SUDS3: variants seen among roughly 807,000 people sequenced by gnomAD.
The protein encoded by SUDS3 is SIN3A corepressor complex component SDS3, also known as sin3 histone deacetylase corepressor complex component SDS3.
A neutral mutation model predicts 53.5 loss-of-function variants in SUDS3; 23 were observed. The ratio of observed to expected loss-of-function variants is 0.43; its 90% CI spans 0.31 to 0.61. The LOEUF (loss-of-function observed/expected upper bound fraction) is 0.61. Among genes scored for constraint, SUDS3 ranks in the 20% least tolerant of loss-of-function variants. SUDS3 has a pLI of 0.10. For synonymous variants in SUDS3, 150 were observed against 148.5 expected (o/e 1.01, Z -0.08); for missense variants, 291 against 405.9 (o/e 0.72, Z 2.43).
chr12:118,403,541 TAGTAAG>T lies in SUDS3; in HGVS notation c.803+28_803+33del, dbSNP rs142801487. 3.5e-4 allele frequency: 557 copies of T among 1,584,194 alleles called. 1 individual carries two copies. In the African/African-American group the frequency reaches 6.8e-3, roughly 19 times the overall value. On this transcript the variant is annotated intron_variant, in intron 10 of 11. Coordinates refer to ENST00000543473, the MANE Select transcript of SUDS3 (RefSeq NM_022491.3). ...TGGTATGTTATGGGAAAACCTGGAC[TAGTAAG>T]AGTCTCATATGAACCACTTGGAAAG...
At chr12:118,380,319 T>TTTG in intron 2 of SUDS3, 88 bp downstream of exon 2, 4 of 1,192,954 alleles carry the variant, frequency 3.4e-6, no homozygotes, top group Non-Finnish European at 4.7e-6. Context: ...AAATCTCAGA[T>TTTG]GCTCCAAAAT....
intron 6 of SUDS3, among the ~76,000 whole-genome samples, chr12:118,393,043 G>A (rs532574713): frequency 4.6e-5 from 7 of 152,308 alleles, no homozygotes; most frequent in African/African-American, 1.7e-4. Context: ...GGGCATTAAA[G>A]GTATGGATGT....
intron 10 of SUDS3, among the ~76,000 whole-genome samples, chr12:118,410,576 TTTATTTTATTTATTTA>T (rs2046349491): frequency 7.6e-6 from 1 of 131,760 alleles, no homozygotes; most frequent in African/African-American, 3.3e-5. Context: ...TATTTATTTA[TTTATTTTATTTATTTA>T]TTTATTTATT....
intron 6 of SUDS3, among the ~76,000 whole-genome samples, chr12:118,392,742 A>T (rs1268526944): frequency 1.3e-5 from 2 of 152,134 alleles, no homozygotes; most frequent in African/African-American, 4.8e-5. Context: ...GAGCCACCAG[A>T]TGTTTGGGAG....
At chr12:118,405,262 A>G (rs1464608873) in intron 10 of SUDS3, among the ~76,000 whole-genome samples, 1 of 152,260 alleles carries the variant, frequency 6.6e-6, no homozygotes, top group Admixed American at 6.5e-5. Flanking sequence ...TTACAAATCT[A>G]TGAGTCTTAA....
intron 2 of SUDS3, among the ~76,000 whole-genome samples, chr12:118,381,112 C>T (rs1261613830): frequency 6.6e-6 from 1 of 152,192 alleles, no homozygotes; most frequent in Non-Finnish European, 1.5e-5. Flanking sequence ...CACTAATGTG[C>T]TAGACAAGGT....
chr12:118,377,860 C>T (rs1319282491), intron 1 of SUDS3, among the ~76,000 whole-genome samples: 4 of 152,138 alleles, frequency 2.6e-5, no homozygotes, highest in Admixed American at 2.6e-4. Context: ...TCCCGAGTGC[C>T]AAGTAATGTG....
intron 6 of SUDS3, among the ~76,000 whole-genome samples, chr12:118,394,061 G>A (rs1210134784): frequency 6.6e-6 from 1 of 152,170 alleles, no homozygotes; most frequent in Admixed American, 6.5e-5. Flanking sequence ...TGTCAAAATA[G>A]AAGTCTGTTT....
intron 10 of SUDS3, among the ~76,000 whole-genome samples, chr12:118,409,565 T>C (rs2046340665): frequency 6.6e-6 from 1 of 152,254 alleles, no homozygotes; most frequent in South Asian, 2.1e-4. Flanking sequence ...AAGCTCATTA[T>C]GGGAGTGAAG....
intron 10 of SUDS3, among the ~76,000 whole-genome samples, chr12:118,410,743 C>G (rs1027017925): frequency 6.6e-6 from 1 of 151,934 alleles, no homozygotes; most frequent in Non-Finnish European, 1.5e-5. Context: ...ACTATAGGCA[C>G]CTGCCACCAT....
chr12:118,386,037 GATA>G (rs1378430471), intron 3 of SUDS3, 74 bp from the exon 4 acceptor site: 3 of 1,125,870 alleles, frequency 2.7e-6, no homozygotes, highest in Non-Finnish European at 3.9e-6. Context: ...GTTGATGCTA[GATA>G]ATAATTTTAG....
At chr12:118,405,310 T>G (rs915129061) in intron 10 of SUDS3, among the ~76,000 whole-genome samples, 2 of 152,228 alleles carry the variant, frequency 1.3e-5, no homozygotes, top group Non-Finnish European at 2.9e-5. Flanking sequence ...ATTTTGTAAT[T>G]GTGTTGCTTT....
intron 1 of SUDS3, 52 bp from the exon 2 acceptor site, chr12:118,380,110 C>G: frequency 1.4e-6 from 2 of 1,481,080 alleles, no homozygotes; most frequent in Admixed American, 3.8e-5. Flanking sequence ...CAGGTGACGC[C>G]AACTCCGTGA....
Position 118,380,210 on chromosome 12 carries a change from A to T in SUDS3, c.191A>T (p.Asp64Val), listed in dbSNP as rs1391280323. 4 of 1,608,276 alleles carry T rather than the reference A, an allele frequency of 2.5e-6. No homozygotes were observed. The African/African-American group carries it at 5.3e-5, about 21-fold the overall frequency. The change falls in exon 2 of 12, where the codon GAC (aspartate) becomes GTC (valine). Residue 64 changes from aspartate to valine, a missense_variant. Asp to Val is a radical substitution (Grantham distance 152). Coordinates refer to ENST00000543473, the MANE Select transcript of SUDS3 (RefSeq NM_022491.3). ...GACCTGGCAAAGCATGATGAAGAAG[A>T]CTATGTAGAAATGAAGGAACAGTGA... ...ETDLAKHDEE[D>V]YVEMKEQMYQ...
intron 5 of SUDS3, 187 bp from the exon 6 acceptor site, chr12:118,390,939 G>C: frequency 1.4e-6 from 1 of 719,984 alleles, no homozygotes; most frequent in African/African-American, 1.7e-5. Context: ...TCAAAAATAA[G>C]CAAAAGTCAC....
intron 6 of SUDS3, among the ~76,000 whole-genome samples, chr12:118,392,584 C>T (rs1048127632): frequency 6.6e-6 from 1 of 152,170 alleles, no homozygotes; most frequent in Non-Finnish European, 1.5e-5. Context: ...GCAGTATAGT[C>T]TTGTTCTTGT....
chr12:118,405,359 G>A (rs1338127706), intron 10 of SUDS3, among the ~76,000 whole-genome samples: 2 of 152,072 alleles, frequency 1.3e-5, no homozygotes, highest in African/African-American at 2.4e-5. Flanking sequence ...CAGACTTTAC[G>A]AGACATGTCT....
intron 1 of SUDS3, among the ~76,000 whole-genome samples, chr12:118,378,482 C>CT (rs199742125): frequency 0.07 from 9,596 of 137,036 alleles, 440 homozygotes; most frequent in East Asian, 0.25. Context: ...TGTAAGTAAT[C>CT]TTTTTTTTTT....
chr12:118,383,044 G>A (rs2046081864), intron 2 of SUDS3, among the ~76,000 whole-genome samples: 1 of 152,162 alleles, frequency 6.6e-6, no homozygotes, highest in Non-Finnish European at 1.5e-5. Context: ...GAAATCTAAA[G>A]TGCATCAGAA....
Sources: allele counts gnomAD v4.1 joint callset (sites outside exome capture counted in the v4.1 genomes callset), GRCh38; gene constraint gnomAD v4.1.1; transcripts MANE v1.5; gene names NCBI Gene and HGNC (gene_info 2026-07-23, HGNC 2026-07-21).